Variants in ZNF83 observed in about 807,000 individuals in gnomAD.
ZNF83 encodes zinc finger protein 83.
For missense variants in ZNF83, 552 were observed against 629.9 expected (o/e 0.88, Z 1.32); for synonymous variants, 209 against 213.0 (o/e 0.98, Z 0.17).
intron 3 of ZNF83, among the ~76,000 whole-genome samples, chr19:52,646,936 T>G (rs58695109): frequency 0.11 from 17,298 of 152,196 alleles, 1,149 homozygotes; most frequent in Admixed American, 0.13. Context: ...ACTGTATGAT[T>G]TACTGTCTTT....
At chr19:52,668,135 C>T (rs1411263144) in intron 1 of ZNF83, among the ~76,000 whole-genome samples, 1 of 152,172 alleles carries the variant, frequency 6.6e-6, no homozygotes, top group African/African-American at 2.4e-5. Flanking sequence ...CAGGCGCCAG[C>T]TTCGGAGTTT....
intron 3 of ZNF83, among the ~76,000 whole-genome samples, chr19:52,653,467 C>T (rs986150254): frequency 6.6e-6 from 1 of 152,182 alleles, no homozygotes; most frequent in Non-Finnish European, 1.5e-5. Flanking sequence ...AGCTTTGTCA[C>T]AAACCTTACA....
intron 1 of ZNF83, among the ~76,000 whole-genome samples, chr19:52,689,970 G>A (rs2062121034): frequency 6.6e-6 from 1 of 152,202 alleles, no homozygotes; most frequent in South Asian, 2.1e-4. Flanking sequence ...GCACGAGGAG[G>A]GAGGTGGGGG....
chr19:52,684,818 A>C (rs892915981), intron 1 of ZNF83, among the ~76,000 whole-genome samples: 2 of 152,180 alleles, frequency 1.3e-5, no homozygotes, highest in East Asian at 3.9e-4. Flanking sequence ...TGACTGGGGC[A>C]GAGGGAGTCA....
chr19:52,656,300 T>A (rs972600657), intron 2 of ZNF83, among the ~76,000 whole-genome samples: 3 of 151,848 alleles, frequency 2.0e-5, no homozygotes, highest in Admixed American at 2.0e-4. Context: ...GGTAGGTGGA[T>A]CACTTAAGGT....
At chr19:52,612,378 A>G (rs1158595104) in exon 3 of ZNF83, 2 of 152,178 alleles carry the variant, frequency 1.3e-5, no homozygotes, top group East Asian at 3.9e-4. Context: ...CAGATTCACT[A>G]CATTTGCCTG....
At chr19:52,640,202 A>G (rs1333695087), upstream of ZNF83, among the ~76,000 whole-genome samples, 1 of 152,186 alleles carries the variant, frequency 6.6e-6, no homozygotes, top group African/African-American at 2.4e-5. Context: ...AGCAGTAAAT[A>G]ATAAAATTTA....
intron 2 of ZNF83, chr19:52,618,103 G>GT (rs1167014618): frequency 3.3e-5 from 5 of 152,120 alleles, no homozygotes; most frequent in Admixed American, 1.3e-4. Flanking sequence ...TTTTGTTTTT[G>GT]TTTTTTGAGA....
At chr19:52,639,135 T>C (rs1158491437), upstream of ZNF83, among the ~76,000 whole-genome samples, 1 of 152,158 alleles carries the variant, frequency 6.6e-6, no homozygotes, top group Non-Finnish European at 1.5e-5. Flanking sequence ...GGAGTTTTGC[T>C]CTAGTTGACC....
intron 2 of ZNF83, among the ~76,000 whole-genome samples, chr19:52,628,703 T>C (rs612447): frequency 0.23 from 35,362 of 151,722 alleles, 4,814 homozygotes; most frequent in East Asian, 0.54. Flanking sequence ...TCTCTGTGTC[T>C]CTACCCCTTC....
intron 2 of ZNF83, among the ~76,000 whole-genome samples, chr19:52,660,136 T>C (rs2061560449): frequency 8.0e-6 from 1 of 125,426 alleles, no homozygotes; most frequent in African/African-American, 2.8e-5. Context: ...GTAAGAATCA[T>C]GGTGGTAAGA....
intron 1 of ZNF83, among the ~76,000 whole-genome samples, chr19:52,688,888 C>T (rs1328128004): frequency 6.7e-6 from 1 of 150,072 alleles, no homozygotes; most frequent in Non-Finnish European, 1.5e-5. Flanking sequence ...TAACGCTGTC[C>T]GAATAGCCAA....
At chr19:52,638,981 C>G (rs1042351091), upstream of ZNF83, among the ~76,000 whole-genome samples, 2 of 152,230 alleles carry the variant, frequency 1.3e-5, no homozygotes, top group Non-Finnish European at 2.9e-5. Context: ...CCTCGTCTCT[C>G]TCTCTCTTTT....
intron 2 of ZNF83, among the ~76,000 whole-genome samples, chr19:52,634,288 T>C (rs889904673): frequency 5.9e-5 from 9 of 151,640 alleles, no homozygotes; most frequent in African/African-American, 9.7e-5. Context: ...ACAACAATAA[T>C]AATAATAATA....
In ZNF83 at chr19:52,614,513, C is replaced by A; in HGVS notation, c.52G>T (p.Gly18Ter). 6.2e-7 allele frequency: 1 copy of A among 1,603,244 alleles called. No individual in the cohort carries two copies. Among genetic ancestry groups the A allele is most frequent in the Non-Finnish European group, 8.5e-7 (1 of 1,171,738 alleles). The change falls in exon 3 of 3, where the codon GGA (glycine) becomes TGA (stop). Residue 18 changes from glycine (G) to a stop codon, truncating the protein, a stop_gained. Transcript: ENST00000301096. LOFTEE classifies it low-confidence loss of function (END_TRUNC). Reference sequence around the variant, plus strand: ...GGTAGATGTGACTGCGGGTTTAATCCAAGCTGATTTTTAACAGGCTGCTTT... The same window carrying A: ...GGTAGATGTGACTGCGGGTTTAATCAAAGCTGATTTTTAACAGGCTGCTTT...
At chr19:52,647,455 T>G (rs2061386647) in intron 3 of ZNF83, among the ~76,000 whole-genome samples, 1 of 151,984 alleles carries the variant, frequency 6.6e-6, no homozygotes. Context: ...TAATTTTTGT[T>G]TTTTGGAAGA....
At chr19:52,615,449 C>G (rs1184027666) in intron 2 of ZNF83, among the ~76,000 whole-genome samples, 1 of 152,056 alleles carries the variant, frequency 6.6e-6, no homozygotes, top group African/African-American at 2.4e-5. Context: ...CAGCAAGAAG[C>G]AGGTTGGGGC....
chr19:52,612,689 GTTT>G (rs1180681119), exon 3 of ZNF83: 1 of 289,702 alleles, frequency 3.5e-6, no homozygotes, highest in African/African-American at 2.2e-5. Context: ...CACTCTCAGT[GTTT>G]TTGTTTCTCT....
At chr19:52,685,616 G>A (rs2062001386) in intron 1 of ZNF83, among the ~76,000 whole-genome samples, 1 of 152,076 alleles carries the variant, frequency 6.6e-6, no homozygotes, top group African/African-American at 2.4e-5. Flanking sequence ...TATATGGGTG[G>A]TCAGGCACGG....
Sources: gnomAD v4.1 joint callset for allele counts (sites outside exome capture counted in the v4.1 genomes callset) on GRCh38, gnomAD v4.1.1 for gene constraint, MANE v1.5 for transcripts, NCBI Gene and HGNC (gene_info 2026-07-23, HGNC 2026-07-21) for gene names.